Variants in CLUAP1 observed in about 807,000 individuals in gnomAD.
CLUAP1 encodes the protein clusterin-associated protein 1.
Under a neutral mutation model 55.0 loss-of-function variants are expected in CLUAP1, and 50 were observed. That is an observed-to-expected ratio of 0.91 (90% CI 0.72 to 1.15). CLUAP1 has a LOEUF of 1.15. Among genes scored for constraint, CLUAP1 ranks in the 50% most tolerant of loss-of-function variants. The pLI is 0.00. For missense variants in CLUAP1, 530 were observed against 507.6 expected, an observed-to-expected ratio of 1.04 and a Z score of -0.42; for synonymous variants, 195 against 175.4, an observed-to-expected ratio of 1.11 and a Z score of -0.88.
At position 3,529,635 on chromosome 16, in the gene CLUAP1, ATTATATATTATATAT is replaced by A. The variant is rs1567439841; in HGVS notation, c.929-931_929-917del. Reference sequence around the variant, plus strand: ...TATATAATATTATATATTATATATTATTATATATTATATATTATTATATATTATATATTATTATAT... The same window carrying A: ...TATATAATATTATATATTATATATTATATTATATATTATATATTATTATAT... On this transcript the variant is annotated intron_variant, in intron 9 of 11. Coordinates refer to ENST00000576634, the MANE Select transcript of CLUAP1 (RefSeq NM_015041.3). Among the ~76,000 whole-genome samples, 172 of 27,792 alleles carry A rather than the reference ATTATATATTATATAT, an allele frequency of 6.2e-3. 3 individuals are homozygous for A. The highest frequency in any genetic ancestry group is 7.7e-3 in the Non-Finnish European group (151 of 19,660). 18.2% of individuals were successfully genotyped at this position (27,792 alleles called of 152,430 possible).
At chr16:3,528,168 C>T (rs1227472819) in intron 9 of CLUAP1, among the ~76,000 whole-genome samples, 2 of 152,206 alleles carry the variant, frequency 1.3e-5, no homozygotes, top group East Asian at 1.9e-4. Context: ...CAGGATCTTC[C>T]TGCTGAATTG....
chr16:3,529,149 CT>C (rs1339120462), intron 9 of CLUAP1, among the ~76,000 whole-genome samples: 3 of 151,818 alleles, frequency 2.0e-5, no homozygotes, highest in Non-Finnish European at 2.9e-5. Flanking sequence ...CTCCCATATA[CT>C]TTAAGTCATC....
upstream of CLUAP1, among the ~76,000 whole-genome samples, chr16:3,498,776 C>T (rs768478788): frequency 4.6e-5 from 7 of 152,196 alleles, no homozygotes; most frequent in East Asian, 3.9e-4. Context: ...AGGAGAATGG[C>T]GTAAACCCAG....
At chr16:3,527,645 C>T (rs2037972207) in intron 9 of CLUAP1, among the ~76,000 whole-genome samples, 1 of 152,168 alleles carries the variant, frequency 6.6e-6, no homozygotes, top group South Asian at 2.1e-4. Flanking sequence ...GCCTAACCAT[C>T]TCCCGGTGAT....
chr16:3,523,089 CTG>C (rs769765216), intron 7 of CLUAP1, 67 bp from the exon 8 acceptor site: 9 of 1,315,104 alleles, frequency 6.8e-6, no homozygotes, highest in East Asian at 2.6e-5. Context: ...GAATCTGAAA[CTG>C]TGAATACCCA....
In CLUAP1 at chr16:3,512,371, T is replaced by C; in HGVS notation, c.400-12T>C. The C allele has an allele frequency of 1.2e-6, 2 of 1,608,986 alleles. No individual in the cohort carries two copies. Among genetic ancestry groups the C allele is most frequent in the Non-Finnish European group, 1.7e-6 (2 of 1,175,500 alleles). On this transcript the variant is annotated splice_polypyrimidine_tract_variant and intron_variant, in intron 4 of 11. Coordinates refer to ENST00000576634, the MANE Select transcript of CLUAP1 (RefSeq NM_015041.3). ...GTTGCTGAGGTTTCTGTTTTTGTTA[T>C]TTTCCTTCCAGATTGCAGATTTGAA...
At chr16:3,496,906 T>C, upstream of CLUAP1, 1 of 308,164 alleles carries the variant, frequency 3.2e-6, no homozygotes, top group Non-Finnish European at 6.3e-6. Context: ...AGTCTCACTT[T>C]GGCGCCCAGG....
In CLUAP1 at chr16:3,523,425, CTG is replaced by C. The variant is rs2037878580; in HGVS notation, c.855+127_855+128del. On this transcript the variant is annotated intron_variant, in intron 8 of 11. Coordinates refer to ENST00000576634, the MANE Select transcript of CLUAP1 (RefSeq NM_015041.3). ...TACATGTTTTTTCTCCCTGGTCAGT[CTG>C]AGGATTGCTCATGTAATGTGTTTGT... The C allele has an allele frequency of 3.6e-6, 4 of 1,116,604 alleles. No individual in the cohort carries two copies. In the Admixed American group the frequency reaches 1.0e-4, roughly 29 times the overall value. The allele number at this position is 1,116,604 out of a possible 1,614,324, so 69.2% of individuals were successfully genotyped here. A position where few individuals can be genotyped will look rare whatever the true frequency, so the allele number is the denominator to read the frequency against.
At chr16:3,525,945 A>G (rs2037933116) in intron 8 of CLUAP1, among the ~76,000 whole-genome samples, 1 of 152,048 alleles carries the variant, frequency 6.6e-6, no homozygotes, top group Non-Finnish European at 1.5e-5. Flanking sequence ...CCCTGTTCCC[A>G]TCCTTACCTG....
upstream of CLUAP1, among the ~76,000 whole-genome samples, chr16:3,500,336 G>C (rs552682601): frequency 2.0e-5 from 3 of 152,242 alleles, no homozygotes; most frequent in East Asian, 1.9e-4. Flanking sequence ...TGCCTCGGAC[G>C]GGGGAAGGCG....
upstream of CLUAP1, among the ~76,000 whole-genome samples, chr16:3,498,958 T>C (rs1368097274): frequency 6.6e-6 from 1 of 152,156 alleles, no homozygotes; most frequent in Non-Finnish European, 1.5e-5. Flanking sequence ...ATATATCTGA[T>C]AAGGGTCTCA....
At chr16:3,504,648 A>G (rs929113734) in intron 1 of CLUAP1, 72 bp from the exon 2 acceptor site, 2 of 877,568 alleles carry the variant, frequency 2.3e-6, no homozygotes, top group Non-Finnish European at 3.9e-6. Context: ...GGAAAAGTAA[A>G]GACAATATCT....
intron 6 of CLUAP1, among the ~76,000 whole-genome samples, chr16:3,519,283 G>T (rs2037788535): frequency 6.6e-6 from 1 of 152,236 alleles, no homozygotes; most frequent in Non-Finnish European, 1.5e-5. Flanking sequence ...TCCAGAGCTG[G>T]TGCACACCAG....
chr16:3,514,787 T>C (rs1323637068), intron 5 of CLUAP1, among the ~76,000 whole-genome samples: 3 of 152,188 alleles, frequency 2.0e-5, no homozygotes, highest in African/African-American at 7.2e-5. Flanking sequence ...CCTAACATCA[T>C]CACATTGTGG....
chr16:3,501,580 C>G lies in CLUAP1; in HGVS notation c.22+491C>G, dbSNP rs146687489. 2.5e-3 allele frequency among the ~76,000 whole-genome samples: 373 copies of G among 152,122 alleles called. 1 individual carries two copies. The highest frequency in any genetic ancestry group is 8.3e-3 in the African/African-American group (346 of 41,508). ...GGCGAATCACCTGAGGTCGGGAGTT[C>G]GAGACCAGCCTGACCAACATGGAGA... On this transcript the variant is annotated intron_variant, in intron 1 of 11. Coordinates refer to ENST00000576634, the MANE Select transcript of CLUAP1 (RefSeq NM_015041.3).
At chr16:3,501,178 A>T in intron 1 of CLUAP1, 89 bp downstream of exon 1, 2 of 1,362,702 alleles carry the variant, frequency 1.5e-6, no homozygotes, top group Non-Finnish European at 2.0e-6. Context: ...GCGATCCCTG[A>T]GGCTTGCGCT....
chr16:3,519,048 C>T (rs1009689368), intron 6 of CLUAP1, among the ~76,000 whole-genome samples: 22 of 152,230 alleles, frequency 1.4e-4, no homozygotes, highest in African/African-American at 5.3e-4. Context: ...GTCCAGATTC[C>T]TCATAAAGAG....
At chr16:3,503,586 C>G (rs1041238278) in intron 1 of CLUAP1, among the ~76,000 whole-genome samples, 1 of 150,448 alleles carries the variant, frequency 6.6e-6, no homozygotes, top group Non-Finnish European at 1.5e-5. Context: ...GTGAACCACC[C>G]GCGCCTGGCC....
At chr16:3,530,377 G>A (rs2038090069) in intron 9 of CLUAP1, 191 bp from the exon 10 acceptor site, 2 of 543,644 alleles carry the variant, frequency 3.7e-6, no homozygotes, top group Non-Finnish European at 3.3e-6. Context: ...TGAGGTACAT[G>A]TATTAATTTT....
Sources: gnomAD v4.1 joint callset for allele counts (sites outside exome capture counted in the v4.1 genomes callset) on GRCh38, gnomAD v4.1.1 for gene constraint, MANE v1.5 for transcripts, NCBI Gene and HGNC (gene_info 2026-07-23, HGNC 2026-07-21) for gene names.